SYT1: variants seen among roughly 807,000 people sequenced by gnomAD.
SYT1 encodes synaptotagmin-1.
A neutral mutation model predicts 44.8 loss-of-function variants in SYT1; 8 were observed. The ratio of observed to expected loss-of-function variants is 0.18; its 90% confidence interval spans 0.10 to 0.32. SYT1 has a LOEUF of 0.32. Among genes scored for constraint, SYT1 ranks in the 10% least tolerant of loss-of-function variants. The pLI is 1.00. For missense variants in SYT1, 286 were observed against 509.3 expected (o/e 0.56, Z 4.22); for synonymous variants, 154 against 188.8 (o/e 0.82, Z 1.51).
At chr12:79,022,219 C>G in intron 2 of SYT1, among the ~76,000 whole-genome samples, 1 of 151,696 alleles carries the variant, frequency 6.6e-6, no homozygotes, top group East Asian at 1.9e-4. Flanking sequence ...CTCAATTTCC[C>G]AAACAACAGA....
intron 3 of SYT1, among the ~76,000 whole-genome samples, chr12:79,165,875 G>C (rs755201746): frequency 5.3e-5 from 8 of 151,906 alleles, no homozygotes; most frequent in Non-Finnish European, 1.0e-4. Flanking sequence ...TAATATTCTA[G>C]GAAACTTAAA....
chr12:78,953,814 A>C (rs1269935955), intron 1 of SYT1, among the ~76,000 whole-genome samples: 3 of 152,132 alleles, frequency 2.0e-5, no homozygotes, highest in Admixed American at 2.0e-4. Flanking sequence ...AAGGGAAAAG[A>C]AAGTGCATCA....
intron 3 of SYT1, among the ~76,000 whole-genome samples, chr12:79,164,777 ATC>A (rs896868819): frequency 3.3e-5 from 5 of 152,096 alleles, no homozygotes; most frequent in Non-Finnish European, 5.9e-5. Context: ...ATCAAGAAAT[ATC>A]CAGCTTTTAC....
At chr12:79,007,035 T>C (rs1871138241) in intron 2 of SYT1, among the ~76,000 whole-genome samples, 1 of 152,100 alleles carries the variant, frequency 6.6e-6, no homozygotes, top group African/African-American at 2.4e-5. Flanking sequence ...CATTTCAGTT[T>C]ATAAGTGTTT....
intron 3 of SYT1, among the ~76,000 whole-genome samples, chr12:79,059,249 G>A (rs1477610910): frequency 6.6e-6 from 1 of 152,046 alleles, no homozygotes; most frequent in Non-Finnish European, 1.5e-5. Context: ...ACAACAGGTG[G>A]GAATTATGGG....
At chr12:78,893,397 T>A (rs980137728) in intron 1 of SYT1, among the ~76,000 whole-genome samples, 1 of 151,746 alleles carries the variant, frequency 6.6e-6, no homozygotes, top group Non-Finnish European at 1.5e-5. Flanking sequence ...TCTCCAAAAT[T>A]TGAATCAATG....
At chr12:78,955,347 G>C (rs889985280) in intron 1 of SYT1, 1 of 152,078 alleles carries the variant, frequency 6.6e-6, no homozygotes, top group African/African-American at 2.4e-5. Context: ...TCAGGGAAAA[G>C]CATATGCTTA....
chr12:78,933,137 C>A (rs369769996), intron 1 of SYT1, among the ~76,000 whole-genome samples: 1 of 152,128 alleles, frequency 6.6e-6, no homozygotes, highest in African/African-American at 2.4e-5. Context: ...GAAGAAATAT[C>A]TAGGGCATAG....
At chr12:78,927,939 C>A (rs569444766) in intron 1 of SYT1, among the ~76,000 whole-genome samples, 3 of 152,288 alleles carry the variant, frequency 2.0e-5, no homozygotes, top group East Asian at 3.9e-4. Flanking sequence ...GCTATGGATA[C>A]CTCCACACTG....
chr12:79,249,943 C>A (rs533864923), intron 4 of SYT1, among the ~76,000 whole-genome samples: 2 of 150,842 alleles, frequency 1.3e-5, no homozygotes, highest in Non-Finnish European at 3.0e-5. Context: ...AGTCCCCAGA[C>A]CAAATAAAAA....
At chr12:79,197,439 A>G (rs1873528456) in intron 3 of SYT1, among the ~76,000 whole-genome samples, 1 of 152,180 alleles carries the variant, frequency 6.6e-6, no homozygotes. Flanking sequence ...GCTCAAAGCT[A>G]TGTCTCATGC....
At chr12:79,101,838 C>G (rs1878462768) in intron 3 of SYT1, among the ~76,000 whole-genome samples, 1 of 151,922 alleles carries the variant, frequency 6.6e-6, no homozygotes, top group Non-Finnish European at 1.5e-5. Flanking sequence ...CCTGACAGGT[C>G]GAGGCTGCAA....
At chr12:79,038,874 T>A (rs943643767) in intron 2 of SYT1, among the ~76,000 whole-genome samples, 5 of 151,962 alleles carry the variant, frequency 3.3e-5, no homozygotes, top group African/African-American at 1.2e-4. Context: ...AAAATCAATA[T>A]TCTCCTCAAA....
chr12:79,226,685 A>G (rs574702325), intron 4 of SYT1, among the ~76,000 whole-genome samples: 1 of 152,326 alleles, frequency 6.6e-6, no homozygotes, highest in African/African-American at 2.4e-5. Context: ...AAGCCATGCC[A>G]TTTATTTAAA....
chr12:79,014,252 G>A (rs948671323), intron 2 of SYT1, among the ~76,000 whole-genome samples: 6 of 151,362 alleles, frequency 4.0e-5, no homozygotes, highest in Admixed American at 3.3e-4. Flanking sequence ...CTCATAGTTA[G>A]TACAATTTAT....
At chr12:79,219,684 T>C (rs1875035449) in intron 4 of SYT1, among the ~76,000 whole-genome samples, 1 of 152,066 alleles carries the variant, frequency 6.6e-6, no homozygotes, top group Admixed American at 6.6e-5. Context: ...TGGGTTCTCT[T>C]TCTGTTTCAT....
intron 10 of SYT1, among the ~76,000 whole-genome samples, chr12:79,445,817 G>T (rs553072501): frequency 6.7e-6 from 1 of 148,534 alleles, no homozygotes; most frequent in Admixed American, 6.8e-5. Flanking sequence ...AGTATCTTAT[G>T]AATTAATCAC....
At position 79,350,653 on chromosome 12, in the gene SYT1, G is replaced by A. The variant is rs71463817; in HGVS notation, c.811-2849G>A. 5.3e-5 allele frequency among the ~76,000 whole-genome samples: 8 copies of A among 152,168 alleles called. No individual in the cohort carries two copies. The East Asian group carries it at 5.8e-4, about 11-fold the overall frequency. ...GACAATCATATTTGCAAATATCCTAGATCAATTAATCTTGGATCAAACCAC... is the reference window on the plus strand; with the variant it reads ...GACAATCATATTTGCAAATATCCTAAATCAATTAATCTTGGATCAAACCAC... On this transcript the variant is annotated intron_variant, in intron 8 of 10. Coordinates refer to ENST00000261205, the MANE Select transcript of SYT1 (RefSeq NM_005639.3).
In SYT1 at chr12:78,915,973, ATTATG is replaced by A. The variant is rs577468804; in HGVS notation, c.-217+50867_-217+50871del. The stretch of plus-strand genomic sequence containing the variant: ...TGCTAACTTAAAATACCAGTATTTA[ATTATG>A]TTGTGTTGATAGGGATGATTTATTC... On this transcript the variant is annotated intron_variant, in intron 1 of 10. Coordinates refer to ENST00000261205, the MANE Select transcript of SYT1 (RefSeq NM_005639.3). 7.2e-5 allele frequency among the ~76,000 whole-genome samples: 11 copies of A among 152,206 alleles called. No homozygotes were observed. In the South Asian group the frequency reaches 1.9e-3, roughly 26 times the overall value.
Sources: gnomAD v4.1 joint callset for allele counts (sites outside exome capture counted in the v4.1 genomes callset) on GRCh38, gnomAD v4.1.1 for gene constraint, MANE v1.5 for transcripts, NCBI Gene and HGNC (gene_info 2026-07-23, HGNC 2026-07-21) for gene names.